Variants in FHOD3 observed in about 807,000 individuals in gnomAD.
FHOD3 encodes FH1/FH2 domain-containing protein 3.
In FHOD3, 90 loss-of-function variants were observed where a neutral mutation model predicts 173.0. The observed-to-expected ratio is 0.52, with a 90% CI of 0.44 to 0.62. The LOEUF (loss-of-function observed/expected upper bound fraction) is 0.62. Among genes scored for constraint, FHOD3 ranks in the 20% least tolerant of loss-of-function variants. The pLI is 0.00. For missense variants in FHOD3, 1,945 were observed against 2,034.7 expected (o/e 0.96, Z 0.85); for synonymous variants, 828 against 823.0 (o/e 1.01, Z -0.10).
intron 3 of FHOD3, among the ~76,000 whole-genome samples, chr18:36,375,228 C>T (rs559419469): frequency 1.3e-5 from 2 of 152,150 alleles, no homozygotes; most frequent in African/African-American, 4.8e-5. Flanking sequence ...AAATGACAAT[C>T]GGAAATATGA....
chr18:36,606,549 C>G (rs1332893284), intron 8 of FHOD3, among the ~76,000 whole-genome samples: 1 of 152,074 alleles, frequency 6.6e-6, no homozygotes, highest in Non-Finnish European at 1.5e-5. Context: ...AGCATTCTGC[C>G]CCCTGTCCCC....
At chr18:36,770,825 G>T (rs1005440561) in intron 28 of FHOD3, among the ~76,000 whole-genome samples, 1 of 152,166 alleles carries the variant, frequency 6.6e-6, no homozygotes, top group African/African-American at 2.4e-5. Flanking sequence ...CCTCAGGGGT[G>T]AGGCCTTGAG....
At chr18:36,687,248 A>G in intron 16 of FHOD3, 70 bp downstream of exon 16, 1 of 1,142,050 alleles carries the variant, frequency 8.8e-7, no homozygotes, top group Non-Finnish European at 1.3e-6. Context: ...TAGCATGCAG[A>G]GAGACTGTCG....
chr18:36,590,614 T>A (rs1050621347), intron 6 of FHOD3, among the ~76,000 whole-genome samples: 5 of 152,152 alleles, frequency 3.3e-5, no homozygotes, highest in African/African-American at 1.2e-4. Flanking sequence ...CAAAGGTACA[T>A]CCACATAAAC....
At position 36,662,240 on chromosome 18, in the gene FHOD3, A is replaced by G. The variant is rs149251375; in HGVS notation, c.1835+4052A>G. ...TGGCGGCTGGAGGCTTGCCTTGTCAATGTGAGGAAACAGTACGCCCAAGCC... is the reference window on the plus strand; with the variant it reads ...TGGCGGCTGGAGGCTTGCCTTGTCAGTGTGAGGAAACAGTACGCCCAAGCC... On this transcript the variant is annotated intron_variant, in intron 14 of 28. Transcript: ENST00000590592. Among the ~76,000 whole-genome samples the G allele has an allele frequency of 4.6e-5, 7 of 152,204 alleles. No individual in the cohort carries two copies. In the East Asian group the frequency reaches 1.2e-3, roughly 25 times the overall value.
At chr18:36,559,138 C>T (rs2147586317) in intron 5 of FHOD3, among the ~76,000 whole-genome samples, 1 of 152,312 alleles carries the variant, frequency 6.6e-6, no homozygotes, top group South Asian at 2.1e-4. Flanking sequence ...TGGTCTTTGA[C>T]AGTATCCTTG....
chr18:36,326,557 C>T (rs772568509), intron 1 of FHOD3, among the ~76,000 whole-genome samples: 1 of 151,926 alleles, frequency 6.6e-6, no homozygotes, highest in Non-Finnish European at 1.5e-5. Flanking sequence ...CTCTTAAGCC[C>T]AGGACTTTGA....
At chr18:36,337,652 C>CT in intron 1 of FHOD3, among the ~76,000 whole-genome samples, 1 of 152,194 alleles carries the variant, frequency 6.6e-6, no homozygotes, top group East Asian at 1.9e-4. Flanking sequence ...TTCTTTTTTT[C>CT]TCTTCCGATT....
intron 1 of FHOD3, among the ~76,000 whole-genome samples, chr18:36,313,997 C>T (rs1400942250): frequency 1.3e-5 from 2 of 152,124 alleles, no homozygotes; most frequent in African/African-American, 4.8e-5. Flanking sequence ...ATCCTCCAGC[C>T]TCAGTCTCCT....
intron 3 of FHOD3, among the ~76,000 whole-genome samples, chr18:36,476,749 T>C (rs951678718): frequency 2.0e-5 from 3 of 152,182 alleles, no homozygotes; most frequent in African/African-American, 7.2e-5. Context: ...TGACCTTTCT[T>C]CCTCCCCACA....
chr18:36,639,139 G>A (rs1311964553), intron 10 of FHOD3, among the ~76,000 whole-genome samples: 1 of 152,144 alleles, frequency 6.6e-6, no homozygotes, highest in Non-Finnish European at 1.5e-5. Flanking sequence ...TCTCATGAGG[G>A]GACTATGCTT....
intron 5 of FHOD3, among the ~76,000 whole-genome samples, chr18:36,556,736 G>T (rs745454464): frequency 2.0e-5 from 3 of 152,114 alleles, no homozygotes; most frequent in Admixed American, 2.0e-4. Context: ...GAAAAAACGT[G>T]TATTTACCCT....
chr18:36,684,127 C>G (rs2038439925), intron 15 of FHOD3, among the ~76,000 whole-genome samples: 2 of 152,146 alleles, frequency 1.3e-5, no homozygotes, highest in African/African-American at 4.8e-5. Context: ...GGATCACCAC[C>G]CAGATCCCAG....
intron 5 of FHOD3, among the ~76,000 whole-genome samples, chr18:36,534,862 G>A (rs996695407): frequency 1.3e-5 from 2 of 152,138 alleles, no homozygotes; most frequent in African/African-American, 4.8e-5. Context: ...GCTTTTACTC[G>A]GCTCTATAAA....
chr18:36,461,109 T>C (rs1238677360), intron 3 of FHOD3, among the ~76,000 whole-genome samples: 2 of 152,128 alleles, frequency 1.3e-5, no homozygotes, highest in Non-Finnish European at 2.9e-5. Flanking sequence ...AGGGCAGGGC[T>C]GAGAAGGGGC....
Position 36,334,151 on chromosome 18 carries a change from G to A in FHOD3, c.166-21388G>A, listed in dbSNP as rs563561207. Among the ~76,000 whole-genome samples, 13 of 152,292 alleles carry A rather than the reference G, an allele frequency of 8.5e-5. No homozygotes were observed. In the South Asian group the frequency reaches 2.7e-3, roughly 32 times the overall value. ...TCCTGGCCCTGCCCCAACTCTGTAG[G>A]TAGTTTCTATCCACTTTAAAGGTTA... On this transcript the variant is annotated intron_variant, in intron 1 of 28. Coordinates refer to ENST00000590592, the MANE Select transcript of FHOD3 (RefSeq NM_001281740.3).
intron 1 of FHOD3, among the ~76,000 whole-genome samples, chr18:36,339,508 T>A (rs2045499083): frequency 6.6e-6 from 1 of 152,230 alleles, no homozygotes; most frequent in Non-Finnish European, 1.5e-5. Context: ...TTTTTGAAGT[T>A]GTGTCTTTTA....
At chr18:36,303,681 G>A (rs1281971950) in intron 1 of FHOD3, among the ~76,000 whole-genome samples, 2 of 152,006 alleles carry the variant, frequency 1.3e-5, no homozygotes, top group African/African-American at 4.8e-5. Context: ...GAACACTTGG[G>A]AACTTTTCTG....
At chr18:36,423,227 G>A (rs938644008) in intron 3 of FHOD3, among the ~76,000 whole-genome samples, 5 of 152,134 alleles carry the variant, frequency 3.3e-5, no homozygotes, top group East Asian at 1.9e-4. Context: ...ATACACTTAC[G>A]ATTTTTAAAA....
Sources: gnomAD v4.1 joint callset for allele counts (sites outside exome capture counted in the v4.1 genomes callset) on GRCh38, gnomAD v4.1.1 for gene constraint, MANE v1.5 for transcripts, NCBI Gene and HGNC (gene_info 2026-07-23, HGNC 2026-07-21) for gene names.